The following ZMAT4 variants were observed in gnomAD, a reference collection of about 807,000 sequenced individuals.
The protein encoded by ZMAT4 is zinc finger matrin-type 4.
A neutral mutation model predicts 28.7 loss-of-function variants in ZMAT4; 17 were observed. The observed-to-expected ratio is 0.59, with a 90% confidence interval of 0.41 to 0.89. The LOEUF (loss-of-function observed/expected upper bound fraction) is 0.89, where lower values mean the gene tolerates loss of function less well. Among genes scored for constraint, ZMAT4 ranks in the 40% least tolerant of loss-of-function variants. The pLI is 0.00. For synonymous variants in ZMAT4, 117 were observed against 109.2 expected, an observed-to-expected ratio of 1.07 and a Z score of -0.44; for missense variants, 240 against 283.8, an observed-to-expected ratio of 0.85 and a Z score of 1.11.
At chr8:40,552,114 T>A (rs140060148) in intron 6 of ZMAT4, among the ~76,000 whole-genome samples, 71 of 152,330 alleles carry the variant, frequency 4.7e-4, no homozygotes, top group Middle Eastern at 3.4e-3. Context: ...TCTTCAGGAT[T>A]AAAATCTACT....
intron 2 of ZMAT4, among the ~76,000 whole-genome samples, chr8:40,824,715 T>TGAAA (rs60779807): frequency 0.077 from 8,485 of 110,274 alleles, 399 homozygotes; most frequent in East Asian, 0.28. Flanking sequence ...AAAGAAAGAA[T>TGAAA]GAAAGAAAGA....
At chr8:40,728,854 AT>A (rs1239775517) in intron 3 of ZMAT4, among the ~76,000 whole-genome samples, 1 of 152,066 alleles carries the variant, frequency 6.6e-6, no homozygotes, top group Non-Finnish European at 1.5e-5. Flanking sequence ...TCAACCCGCC[AT>A]TCCCCGCAGG....
At chr8:40,836,086 A>G (rs1033023893) in intron 1 of ZMAT4, among the ~76,000 whole-genome samples, 5 of 152,198 alleles carry the variant, frequency 3.3e-5, no homozygotes, top group African/African-American at 1.2e-4. Context: ...TTCCGTTAGA[A>G]CTTCCTTTCA....
chr8:40,711,485 A>G (rs10089331), intron 3 of ZMAT4, among the ~76,000 whole-genome samples: 67,922 of 152,004 alleles, frequency 0.45, 15,594 homozygotes, highest in East Asian at 0.61. Context: ...CAAGTCTCTG[A>G]AACCATCTGC....
chr8:40,624,784 T>TTCAG (rs1398926112), intron 5 of ZMAT4, among the ~76,000 whole-genome samples: 1 of 152,140 alleles, frequency 6.6e-6, no homozygotes, highest in Non-Finnish European at 1.5e-5. Context: ...AAGCCTAGTT[T>TTCAG]TCAGTCAGTC....
At chr8:40,751,063 CCT>C (rs753980254) in intron 3 of ZMAT4, among the ~76,000 whole-genome samples, 1 of 152,144 alleles carries the variant, frequency 6.6e-6, no homozygotes, top group African/African-American at 2.4e-5. Context: ...TCCTTTCACC[CCT>C]GAGGCACAGC....
chr8:40,607,502 C>A (rs1184371483), intron 5 of ZMAT4, among the ~76,000 whole-genome samples: 1 of 151,986 alleles, frequency 6.6e-6, no homozygotes, highest in Non-Finnish European at 1.5e-5. Flanking sequence ...CCCTGAGTAT[C>A]TTAATAATTG....
chr8:40,701,049 G>T (rs896422387), intron 3 of ZMAT4, among the ~76,000 whole-genome samples: 1 of 152,034 alleles, frequency 6.6e-6, no homozygotes, highest in African/African-American at 2.4e-5. Flanking sequence ...AACACAGGGA[G>T]GTCTATGGCA....
At chr8:40,692,072 A>G (rs1809689058) in intron 4 of ZMAT4, among the ~76,000 whole-genome samples, 1 of 152,194 alleles carries the variant, frequency 6.6e-6, no homozygotes, top group South Asian at 2.1e-4. Flanking sequence ...TTAACTGCCT[A>G]TTATTATTCT....
At chr8:40,890,149 G>A (rs1474593665) in intron 1 of ZMAT4, among the ~76,000 whole-genome samples, 1 of 151,870 alleles carries the variant, frequency 6.6e-6, no homozygotes, top group East Asian at 1.9e-4. Context: ...CCCATTCTTT[G>A]CTCACTTCTC....
intron 1 of ZMAT4, among the ~76,000 whole-genome samples, chr8:40,863,128 C>T (rs1817563288): frequency 1.3e-5 from 2 of 152,084 alleles, no homozygotes; most frequent in African/African-American, 2.4e-5. Context: ...GAATAGCAAG[C>T]AGTGAGCAAG....
At chr8:40,643,204 A>C in intron 5 of ZMAT4, among the ~76,000 whole-genome samples, 1 of 152,172 alleles carries the variant, frequency 6.6e-6, no homozygotes, top group Admixed American at 6.5e-5. Flanking sequence ...GCAGTCGAGA[A>C]GCTTTCATCT....
At chr8:40,820,851 TTATG>T (rs1298768780) in intron 2 of ZMAT4, among the ~76,000 whole-genome samples, 1 of 4,878 alleles carries the variant, frequency 2.1e-4, no homozygotes. Flanking sequence ...GTGTGTATGT[TTATG>T]TGTGTTTGTG....
intron 3 of ZMAT4, among the ~76,000 whole-genome samples, chr8:40,751,899 T>G (rs1042971681): frequency 6.6e-6 from 1 of 152,166 alleles, no homozygotes; most frequent in Non-Finnish European, 1.5e-5. Context: ...ACCCCCCCTG[T>G]GCAAAATGCT....
At chr8:40,685,334 A>G (rs1229825873) in intron 4 of ZMAT4, among the ~76,000 whole-genome samples, 6 of 152,146 alleles carry the variant, frequency 3.9e-5, no homozygotes, top group East Asian at 1.9e-4. Context: ...TGCTTCTCCA[A>G]TTGAGCAATG....
intron 5 of ZMAT4, among the ~76,000 whole-genome samples, chr8:40,633,416 A>T (rs1310593163): frequency 6.6e-6 from 1 of 152,182 alleles, no homozygotes; most frequent in Non-Finnish European, 1.5e-5. Context: ...AGAGGATATG[A>T]TGTAGGGAAA....
intron 1 of ZMAT4, among the ~76,000 whole-genome samples, chr8:40,869,595 C>A (rs892621945): frequency 6.6e-6 from 1 of 152,164 alleles, no homozygotes; most frequent in African/African-American, 2.4e-5. Context: ...AATCTTGAAG[C>A]TCTATTAGGG....
chr8:40,692,832 T>C (rs1438872428), intron 4 of ZMAT4, among the ~76,000 whole-genome samples: 2 of 152,148 alleles, frequency 1.3e-5, no homozygotes, highest in Non-Finnish European at 2.9e-5. Flanking sequence ...AAGAGTTAAA[T>C]GATGTTTTCT....
intron 6 of ZMAT4, among the ~76,000 whole-genome samples, chr8:40,578,453 A>G (rs1804340601): frequency 1.3e-5 from 2 of 152,188 alleles, no homozygotes; most frequent in Admixed American, 1.3e-4. Flanking sequence ...GAATTCTTAA[A>G]TAGCACTCAA....
Sources: allele counts gnomAD v4.1 joint callset (sites outside exome capture counted in the v4.1 genomes callset), GRCh38; gene constraint gnomAD v4.1.1; transcripts MANE v1.5; gene names NCBI Gene and HGNC (gene_info 2026-07-23, HGNC 2026-07-21).